The following ATAD3B variants were observed in gnomAD, a reference collection of about 807,000 sequenced individuals.
ATAD3B encodes ATPase family AAA domain-containing protein 3B.
Under a neutral mutation model 70.2 loss-of-function variants are expected in ATAD3B, and 59 were observed. That is an observed-to-expected ratio of 0.84 (90% confidence interval 0.68 to 1.04). The LOEUF (loss-of-function observed/expected upper bound fraction) is 1.04. Among genes scored for constraint, ATAD3B ranks in the 50% least tolerant of loss-of-function variants. The pLI is 0.00. For missense variants in ATAD3B, 961 were observed against 913.4 expected (o/e 1.05, Z -0.67); for synonymous variants, 423 against 388.6 (o/e 1.09, Z -1.04).
chr1:1,482,774 C>G (rs1639990204), intron 7 of ATAD3B, 160 bp downstream of exon 7: 1 of 1,184,232 alleles, frequency 8.4e-7, no homozygotes, highest in African/African-American at 1.5e-5. Flanking sequence ...GCTGCTCCTC[C>G]CTCCTTGAGC....
In ATAD3B at chr1:1,478,431, G is replaced by A. The variant is rs150450339; in HGVS notation, c.283-213G>A. 34 of 1,521,218 alleles carry A rather than the reference G, an allele frequency of 2.2e-5. No homozygotes were observed. In the African/African-American group the frequency reaches 3.3e-4, roughly 15 times the overall value. The allele number at this position is 1,521,218 out of a possible 1,614,324, so 94.2% of individuals were successfully genotyped here. ...CTGACCTCCCTCCCCGGGGGCCTTC[G>A]CAGGCTTCTCTGCTGGTGCTTCTGT... On this transcript the variant is annotated intron_variant, in intron 2 of 15. Coordinates refer to ENST00000673477, the MANE Select transcript of ATAD3B (RefSeq NM_031921.6).
At chr1:1,503,954 T>TTTGCA in the ATAD3B span, among the ~76,000 whole-genome samples, 19 of 152,042 alleles carry the variant, frequency 1.2e-4, no homozygotes, top group South Asian at 8.3e-4. Flanking sequence ...CAGAATTTTT[T>TTTGCA]TTGCATTGCA....
chr1:1,498,321 T>C (rs937162036), downstream of ATAD3B, among the ~76,000 whole-genome samples: 14 of 151,206 alleles, frequency 9.3e-5, no homozygotes, highest in South Asian at 1.9e-3. Flanking sequence ...AAATAAAAAT[T>C]AGCGGTGCCT....
At chr1:1,493,349 CTGAG>C (rs1640629133) in intron 15 of ATAD3B, among the ~76,000 whole-genome samples, 2 of 152,114 alleles carry the variant, frequency 1.3e-5, no homozygotes, top group Non-Finnish European at 2.9e-5. Flanking sequence ...TTTTTCACCA[CTGAG>C]TATGTTAGCT....
chr1:1,498,659 C>T (rs540582593), downstream of ATAD3B, among the ~76,000 whole-genome samples: 612 of 151,676 alleles, frequency 4.0e-3, 10 homozygotes, highest in African/African-American at 0.014. Flanking sequence ...CCTCCTGCCT[C>T]GGCCTCCCAA....
In ATAD3B at chr1:1,485,039, T is replaced by C; in HGVS notation, c.774T>C (p.Ala258=). ...AGGTGGCTGGGCTGACGCTGCTGGCTGTCGGGGTCTACTCAGCCAAGAATG... is the reference window on the plus strand; with the variant it reads ...AGGTGGCTGGGCTGACGCTGCTGGCCGTCGGGGTCTACTCAGCCAAGAATG... ...TATVAGLTLL[A]VGVYSAKNAT... is the part of the protein sequence containing the mutation. The change falls in exon 8 of 16, where the codon GCT becomes GCC. Residue 258 remains alanine, a synonymous_variant. Coordinates refer to ENST00000673477, the MANE Select transcript of ATAD3B (RefSeq NM_031921.6). 1 of 1,603,832 alleles carries C rather than the reference T, an allele frequency of 6.2e-7. No individual in the cohort carries two copies. The highest frequency in any genetic ancestry group is 8.5e-7 in the Non-Finnish European group (1 of 1,176,764).
chr1:1,476,390 G>A (rs900074003), intron 1 of ATAD3B, among the ~76,000 whole-genome samples: 4 of 151,246 alleles, frequency 2.6e-5, no homozygotes, highest in Admixed American at 2.0e-4. Context: ...CGTGTTTGCT[G>A]CAGTTGACTC....
At chr1:1,473,585 G>A (rs1317399479) in intron 1 of ATAD3B, among the ~76,000 whole-genome samples, 2 of 148,632 alleles carry the variant, frequency 1.3e-5, no homozygotes, top group African/African-American at 2.5e-5. Flanking sequence ...AAACCGCAAC[G>A]CCCTGGTTCA....
Position 1,489,398 on chromosome 1 carries a change from A to G in ATAD3B, c.1337+124A>G, listed in dbSNP as rs539946036. 92 of 1,520,696 alleles carry G rather than the reference A, an allele frequency of 6.0e-5. No homozygotes were observed. In the African/African-American group the frequency reaches 1.1e-3, roughly 18 times the overall value. 94.2% of individuals were successfully genotyped at this position (1,520,696 alleles called of 1,614,324 possible). On this transcript the variant is annotated intron_variant, in intron 13 of 15. Transcript: ENST00000673477. ...GCTGTGGCCTCAGTGTGCCCACCTC[A>G]GATGTCCCCTGGGAACGGCCCAGCT...
chr1:1,478,317 A>G, intron 2 of ATAD3B: 4 of 1,096,062 alleles, frequency 3.6e-6, no homozygotes, highest in Non-Finnish European at 5.1e-6. Flanking sequence ...GATTCCTAGA[A>G]TGGGCACGAG....
At chr1:1,483,122 T>C (rs1460388889) in intron 7 of ATAD3B, 4 of 416,092 alleles carry the variant, frequency 9.6e-6, no homozygotes, top group South Asian at 5.1e-5. Flanking sequence ...AAACCCTGTC[T>C]CTACTAAAAA....
At position 1,471,793 on chromosome 1, in the gene ATAD3B, C is replaced by CT. The variant is rs1639335037; in HGVS notation, c.-92_-91insT. 2 of 1,218,794 alleles carry CT rather than the reference C, an allele frequency of 1.6e-6. No individual in the cohort carries two copies. Among genetic ancestry groups the CT allele is most frequent in the African/African-American group, 3.2e-5 (2 of 63,134 alleles). 75.5% of individuals were successfully genotyped at this position (1,218,794 alleles called of 1,614,324 possible). ...TCGCCTGCGCAGTGGTCCTGGCCACCGGCTCGCGGCGCGTGGAGGCTGCTC... is the reference window on the plus strand; with the variant it reads ...TCGCCTGCGCAGTGGTCCTGGCCACCTGGCTCGCGGCGCGTGGAGGCTGCTC... On this transcript the variant is annotated 5_prime_UTR_variant, in exon 1 of 16. Transcript: ENST00000673477.
At chr1:1,492,685 A>C (rs1270265450) in intron 15 of ATAD3B, among the ~76,000 whole-genome samples, 2 of 151,782 alleles carry the variant, frequency 1.3e-5, no homozygotes, top group Non-Finnish European at 2.9e-5. Flanking sequence ...TATGCCTCTA[A>C]TCCCAGCACT....
intron 2 of ATAD3B, 34 bp downstream of exon 2, chr1:1,477,384 G>C (rs1193690431): frequency 6.2e-7 from 1 of 1,611,322 alleles, no homozygotes; most frequent in Non-Finnish European, 8.5e-7. Flanking sequence ...GGAGGCCGGG[G>C]CGCACATGGG....
chr1:1,475,376 C>T (rs1557791069), intron 1 of ATAD3B, among the ~76,000 whole-genome samples: 3 of 151,652 alleles, frequency 2.0e-5, no homozygotes. Flanking sequence ...CCTGCCCTGC[C>T]CCTCTGCCTG....
chr1:1,503,031 T>C, the ATAD3B span, among the ~76,000 whole-genome samples: 1 of 150,942 alleles, frequency 6.6e-6, no homozygotes, highest in African/African-American at 2.4e-5. Context: ...GAGACCATCC[T>C]GGCTAACAGG....
At chr1:1,485,526 C>T (rs1237509936) in intron 8 of ATAD3B, among the ~76,000 whole-genome samples, 3 of 152,092 alleles carry the variant, frequency 2.0e-5, no homozygotes, top group Non-Finnish European at 2.9e-5. Context: ...CTTGCCAGCC[C>T]CTGAGGTGCC....
the ATAD3B span, among the ~76,000 whole-genome samples, chr1:1,504,339 G>A: frequency 6.6e-6 from 1 of 151,920 alleles, no homozygotes; most frequent in African/African-American, 2.4e-5. Context: ...CCTGTTGTGG[G>A]CATTGTAGCT....
intron 13 of ATAD3B, chr1:1,489,850 C>T (rs1640435782): frequency 8.2e-7 from 1 of 1,224,552 alleles, no homozygotes; most frequent in Non-Finnish European, 1.0e-6. Flanking sequence ...CCTGCTGAGC[C>T]TCTGCTGAAC....
Sources: gnomAD v4.1 joint callset for allele counts (sites outside exome capture counted in the v4.1 genomes callset) on GRCh38, gnomAD v4.1.1 for gene constraint, MANE v1.5 for transcripts, NCBI Gene and HGNC (gene_info 2026-07-23, HGNC 2026-07-21) for gene names.